Variants in ADAM28 observed in about 807,000 individuals in gnomAD.
ADAM28 encodes the protein disintegrin and metalloproteinase domain-containing protein 28.
Under a neutral mutation model 101.2 loss-of-function variants are expected in ADAM28, and 105 were observed. The ratio of observed to expected loss-of-function variants is 1.04; its 90% CI spans 0.89 to 1.22. ADAM28 has a LOEUF of 1.22. Ranked by LOEUF, ADAM28 falls within the 50% of genes most tolerant of loss-of-function variation. The pLI, the probability that ADAM28 is intolerant of heterozygous loss-of-function variation, is 0.00. For synonymous variants in ADAM28, 322 were observed against 310.6 expected, an observed-to-expected ratio of 1.04 and a Z score of -0.39; for missense variants, 1,028 against 945.4, an observed-to-expected ratio of 1.09 and a Z score of -1.15.
At chr8:24,343,211 T>C (rs752874989) in intron 17 of ADAM28, 30 bp downstream of exon 17, 1 of 1,604,282 alleles carries the variant, frequency 6.2e-7, no homozygotes, top group Non-Finnish European at 8.5e-7. Flanking sequence ...TTCCCTAAGC[T>C]CTCTGAATCT....
At position 24,343,137 on chromosome 8, in the gene ADAM28, G is replaced by A. The variant is rs1814987446; in HGVS notation, c.1867G>A (p.Ala623Thr). 3 of 1,613,844 alleles carry A rather than the reference G, an allele frequency of 1.9e-6. No homozygotes were observed. Among genetic ancestry groups the A allele is most frequent in the Non-Finnish European group, 1.7e-6 (2 of 1,179,814 alleles). ...TGCAGAATGTGTGGATATTGAGAAA[G>A]CCTACAAATCAACCAATTGCTCATC... ...INAECVDIEK[A>T]YKSTNCSSKC... Residue 623 changes from alanine to threonine, a missense_variant, in exon 17 of 23, where the codon GCC (alanine) becomes ACC (threonine). Physicochemically the swap from Ala to Thr is moderately conservative, Grantham distance 58 (BLOSUM62 0). Coordinates refer to ENST00000265769, the MANE Select transcript of ADAM28 (RefSeq NM_014265.6).
rs1340189446 is a variant in ADAM28, at chr8:24,332,750, G to A, written c.1371+1G>A. On this transcript the variant is annotated splice_donor_variant, in intron 13 of 22. Coordinates refer to ENST00000265769, the MANE Select transcript of ADAM28 (RefSeq NM_014265.6). LOFTEE classifies it high-confidence loss of function. ...AGGAGAATGTTGTGAAAAATGCCAA[G>A]TAAGATTATTTTATTCTATTTTAAT... The A allele has an allele frequency of 7.0e-7, 1 of 1,422,008 alleles. No individual in the cohort carries two copies. The highest frequency in any genetic ancestry group is 9.4e-7 in the Non-Finnish European group (1 of 1,067,140). The allele number at this position is 1,422,008 out of a possible 1,614,324, so 88.1% of individuals were successfully genotyped here.
chr8:24,336,580 C>CAAAAAAAA (rs769016133), intron 14 of ADAM28, among the ~76,000 whole-genome samples: 3 of 61,624 alleles, frequency 4.9e-5, no homozygotes, highest in African/African-American at 1.9e-4. Context: ...ACTCCGTCTC[C>CAAAAAAAA]AAAAAAAAAA....
intron 1 of ADAM28, chr8:24,299,705 A>G: frequency 4.6e-6 from 1 of 219,500 alleles, no homozygotes; most frequent in Non-Finnish European, 8.9e-6. Context: ...AAAATCCAAA[A>G]GAAATACTTT....
chr8:24,343,285 T>G (rs1241412804), intron 17 of ADAM28, 104 bp downstream of exon 17: 6 of 1,384,348 alleles, frequency 4.3e-6, no homozygotes, highest in South Asian at 1.3e-5. Flanking sequence ...ATGATGATAA[T>G]TACTAAGTTT....
intron 21 of ADAM28, 54 bp downstream of exon 21, chr8:24,352,106 C>G: frequency 6.7e-7 from 1 of 1,481,878 alleles, no homozygotes; most frequent in South Asian, 1.1e-5. Context: ...CAGGAAATAT[C>G]GGTGAAAGTC....
At chr8:24,308,666 G>A (rs541109513) in intron 2 of ADAM28, 3 of 456,210 alleles carry the variant, frequency 6.6e-6, no homozygotes, top group East Asian at 1.4e-4. Flanking sequence ...AAAATAAGCT[G>A]AGTCCATCAA....
chr8:24,329,724 T>C (rs1001707190), intron 10 of ADAM28, among the ~76,000 whole-genome samples: 1 of 152,098 alleles, frequency 6.6e-6, no homozygotes, highest in African/African-American at 2.4e-5. Context: ...AAATTTGCCA[T>C]CTTTCTTGGA....
In ADAM28 at chr8:24,304,251, T is replaced by C. The variant is rs80141117; in HGVS notation, c.150+4174T>C. Among the ~76,000 whole-genome samples the C allele has an allele frequency of 8.8e-3, 1,322 of 149,768 alleles. 27 individuals are homozygous for C. Among genetic ancestry groups the C allele is most frequent in the African/African-American group, 0.031 (1,257 of 40,532 alleles). ...AGATGAACAATATTAATTTTTGCAA[T>C]GATTGACTAGGTGGATGAGGTTGAT... On this transcript the variant is annotated intron_variant, in intron 2 of 22. Transcript: ENST00000265769.
At chr8:24,306,355 A>ATATATATATATATATATATATATATAT (rs1489348958) in intron 2 of ADAM28, among the ~76,000 whole-genome samples, 11 of 107,768 alleles carry the variant, frequency 1.0e-4, no homozygotes, top group Admixed American at 3.6e-4. Context: ...AATACAAATA[A>ATATATATATATATATATATATATATAT]ATAAATAAAT....
At chr8:24,324,077 G>C in intron 9 of ADAM28, 74 bp downstream of exon 9, 1 of 1,459,144 alleles carries the variant, frequency 6.9e-7, no homozygotes, top group Non-Finnish European at 9.4e-7. Flanking sequence ...GGCAAAGTGA[G>C]GGGTGCACAT....
At chr8:24,318,411 T>A (rs991175899) in intron 6 of ADAM28, among the ~76,000 whole-genome samples, 2 of 152,002 alleles carry the variant, frequency 1.3e-5, no homozygotes, top group Admixed American at 6.6e-5. Context: ...TGGATCTTTA[T>A]CTATACATTC....
At chr8:24,316,444 C>T (rs1449138837) in intron 6 of ADAM28, among the ~76,000 whole-genome samples, 2 of 151,970 alleles carry the variant, frequency 1.3e-5, no homozygotes, top group Non-Finnish European at 2.9e-5. Context: ...GTGTGCAATG[C>T]AGTTGTTGAT....
intron 9 of ADAM28, chr8:24,325,146 G>A (rs768109396): frequency 4.6e-5 from 7 of 151,902 alleles, no homozygotes; most frequent in African/African-American, 7.3e-5. Flanking sequence ...GTTTTCTAAG[G>A]TCTCATAGCT....
intron 11 of ADAM28, among the ~76,000 whole-genome samples, chr8:24,330,799 T>C (rs910656362): frequency 1.4e-4 from 22 of 152,272 alleles, no homozygotes; most frequent in African/African-American, 5.1e-4. Context: ...ATCCTATCAA[T>C]AGGAATTCCT....
intron 2 of ADAM28, among the ~76,000 whole-genome samples, chr8:24,306,127 G>A (rs1339547874): frequency 6.6e-6 from 1 of 151,686 alleles, no homozygotes; most frequent in African/African-American, 2.4e-5. Context: ...GACGAGGTCA[G>A]GAGTTAAGAG....
intron 2 of ADAM28, among the ~76,000 whole-genome samples, chr8:24,307,830 C>CA (rs1449227121): frequency 6.6e-6 from 1 of 152,298 alleles, no homozygotes; most frequent in African/African-American, 2.4e-5. Flanking sequence ...TCTTACAGCA[C>CA]AATTCCTCCC....
chr8:24,309,200 G>A (rs1441811247), intron 2 of ADAM28, among the ~76,000 whole-genome samples: 1 of 152,056 alleles, frequency 6.6e-6, no homozygotes, highest in Non-Finnish European at 1.5e-5. Flanking sequence ...TTTACCCGAG[G>A]TAATATTTCT....
intron 8 of ADAM28, among the ~76,000 whole-genome samples, chr8:24,323,090 A>G (rs886423172): frequency 7.2e-5 from 11 of 151,962 alleles, no homozygotes; most frequent in African/African-American, 2.7e-4. Context: ...TTGGAAGTCC[A>G]AATCAAGTTC....
Sources: allele counts gnomAD v4.1 joint callset (sites outside exome capture counted in the v4.1 genomes callset), GRCh38; gene constraint gnomAD v4.1.1; transcripts MANE v1.5; gene names NCBI Gene and HGNC (gene_info 2026-07-23, HGNC 2026-07-21).